TRAF7: variants seen among roughly 807,000 people sequenced by gnomAD.
TRAF7 encodes E3 ubiquitin-protein ligase TRAF7.
Under a neutral mutation model 89.3 loss-of-function variants are expected in TRAF7, and 45 were observed. The observed-to-expected ratio is 0.50, with a 90% CI of 0.40 to 0.65. TRAF7 has a LOEUF of 0.65. Ranked by LOEUF, TRAF7 falls within the 30% of genes least tolerant of loss-of-function variation. The pLI is 0.00. For missense variants in TRAF7, 677 were observed against 918.1 expected (o/e 0.74, Z 3.39); for synonymous variants, 406 against 369.2 (o/e 1.10, Z -1.14).
rs2093083601 is a variant in TRAF7, at chr16:2,165,757, T to C, written c.82-122T>C. ...TGCGTGGCGTGGCCTGGTCGCATGGTTAAGTGTGTGAGTGCTGCGTGGCCT... is the reference window on the plus strand; with the variant it reads ...TGCGTGGCGTGGCCTGGTCGCATGGCTAAGTGTGTGAGTGCTGCGTGGCCT... On this transcript the variant is annotated intron_variant, in intron 2 of 20. Transcript: ENST00000326181. 1.9e-5 allele frequency: 21 copies of C among 1,128,436 alleles called. No homozygotes were observed. In the South Asian group the frequency reaches 2.7e-4, roughly 14 times the overall value. 69.9% of individuals were successfully genotyped at this position (1,128,436 alleles called of 1,614,324 possible). A position where few individuals can be genotyped will look rare whatever the true frequency, so the allele number is the denominator to read the frequency against.
Position 2,168,093 on chromosome 16 carries a change from C to T in TRAF7, c.156C>T (p.Thr52=). 1 of 1,612,010 alleles carries T rather than the reference C, an allele frequency of 6.2e-7. No homozygotes were observed. Among genetic ancestry groups the T allele is most frequent in the Non-Finnish European group, 8.5e-7 (1 of 1,179,886 alleles). ...TTITKADGTS[T]YKQHCRTPSS... ...GCCTTGCAGCTGACGGGACCAGCACCTACAAGCAGCACTGCAGGACACCCT... is the reference window on the plus strand; with the variant it reads ...GCCTTGCAGCTGACGGGACCAGCACTTACAAGCAGCACTGCAGGACACCCT... The change falls in exon 4 of 21, where the codon ACC becomes ACT. Residue 52 remains threonine, a synonymous_variant. Transcript: ENST00000326181. The surrounding 1 kb of genome is among the most constrained non-coding windows in gnomAD (Gnocchi z 4.1).
Position 2,161,267 on chromosome 16 carries a change from C to T in TRAF7, c.-38-2616C>T, listed in dbSNP as rs2093057473. On this transcript the variant is annotated intron_variant, in intron 1 of 20. Coordinates refer to ENST00000326181, the MANE Select transcript of TRAF7 (RefSeq NM_032271.3). This position sits in a 1 kb window ranked among gnomAD's most constrained non-coding sequence, Gnocchi z 5.2. ...CCGTCCCCTCCCTCCTTCCGTCCCC[C>T]TCAGCTGGCGCTCGATGGGGTCTTG... Among the ~76,000 whole-genome samples, 2 of 151,096 alleles carry T rather than the reference C, an allele frequency of 1.3e-5. No homozygotes were observed. Among genetic ancestry groups the T allele is most frequent in the Non-Finnish European group, 3.0e-5 (2 of 67,758 alleles).
intron 15 of TRAF7, 63 bp downstream of exon 15, chr16:2,175,213 C>T: frequency 6.2e-7 from 1 of 1,612,344 alleles, no homozygotes; most frequent in Non-Finnish European, 8.5e-7. Flanking sequence ...TCTGTAGGTG[C>T]CCCAGGGACG....
chr16:2,164,031 A>T (rs761384581), intron 2 of TRAF7, 30 bp downstream of exon 2: 21 of 1,578,652 alleles, frequency 1.3e-5, no homozygotes, highest in Non-Finnish European at 1.8e-5. Context: ...CAAGCCCAAC[A>T]TCCCCAGGAC....
intron 4 of TRAF7, among the ~76,000 whole-genome samples, chr16:2,170,195 C>T (rs953396425): frequency 6.6e-6 from 1 of 152,246 alleles, no homozygotes; most frequent in African/African-American, 2.4e-5. Flanking sequence ...GGAGCCCAGC[C>T]GTCGCTCCCT....
chr16:2,178,063 C>T lies in TRAF7; in HGVS notation c.*1489C>T, dbSNP rs1353788744. ...TAAATATATATTTGTTAAAGTTATA[C>T]CTTTTTGTTTCTCTGGGGAAATCCG... is the stretch of plus-strand genomic sequence containing the variant. On this transcript the variant is annotated 3_prime_UTR_variant, in exon 21 of 21. Coordinates refer to ENST00000326181, the MANE Select transcript of TRAF7 (RefSeq NM_032271.3). 3.3e-5 allele frequency: 16 copies of T among 482,756 alleles called. No homozygotes were observed. The Admixed American group carries it at 3.8e-4, about 11-fold the overall frequency. 29.9% of individuals were successfully genotyped at this position (482,756 alleles called of 1,614,324 possible). A position where few individuals can be genotyped will look rare whatever the true frequency, so the allele number is the denominator to read the frequency against.
In TRAF7 at chr16:2,170,641, G is replaced by A. The variant is rs780287797; in HGVS notation, c.259G>A (p.Asp87Asn). Residue 87 changes from aspartate (D) to asparagine (N), a missense_variant, in exon 5 of 21, where the codon GAC becomes AAC. This residue lies in a region of TRAF7 where 240 missense variants were observed against 191.9 expected (regional missense o/e 1.25). Coordinates refer to ENST00000326181, the MANE Select transcript of TRAF7 (RefSeq NM_032271.3). Reference sequence around the variant, plus strand: ...CCCCATCAGCACTCCCCGCCGCTCCGACTCCGCCATCTCTGTCCGCTCCCT... The same window carrying A: ...CCCCATCAGCACTCCCCGCCGCTCCAACTCCGCCATCTCTGTCCGCTCCCT... ...MPPISTPRRS[D>N]SAISVRSLHS... is the part of the protein sequence containing the mutation. 1.8e-5 allele frequency: 29 copies of A among 1,610,090 alleles called. No homozygotes were observed. The highest frequency in any genetic ancestry group is 2.1e-5 in the Non-Finnish European group (25 of 1,178,692).
At position 2,158,109 on chromosome 16, in the gene TRAF7, TCTC is replaced by T. The variant is rs1351310057; in HGVS notation, c.-39+2254_-39+2256del. Reference sequence around the variant, plus strand: ...TGGCCTTGACCACGGTGTCACAGCATCTCCTGGATGGACACCCTGCGGGGTCAG... The same window carrying T: ...TGGCCTTGACCACGGTGTCACAGCATCTGGATGGACACCCTGCGGGGTCAG... On this transcript the variant is annotated intron_variant, in intron 1 of 20. Transcript: ENST00000326181. This position sits in a 1 kb window ranked among gnomAD's most constrained non-coding sequence, Gnocchi z 4.7. Among the ~76,000 whole-genome samples the T allele has an allele frequency of 6.6e-6, 1 of 152,092 alleles. No homozygotes were observed. Among genetic ancestry groups the T allele is most frequent in the Non-Finnish European group, 1.5e-5 (1 of 68,002 alleles).
At position 2,163,247 on chromosome 16, in the gene TRAF7, G is replaced by C. The variant is rs1406248620; in HGVS notation, c.-38-636G>C. Among the ~76,000 whole-genome samples, 1 of 152,206 alleles carries C rather than the reference G, an allele frequency of 6.6e-6. No homozygotes were observed. Among genetic ancestry groups the C allele is most frequent in the Non-Finnish European group, 1.5e-5 (1 of 68,030 alleles). On this transcript the variant is annotated intron_variant, in intron 1 of 20. Transcript: ENST00000326181. The surrounding 1 kb of genome is among the most constrained non-coding windows in gnomAD (Gnocchi z 4.3). ...CTGTGGCGTGGCTGGGAGTGTGGGTGACCTGCACGGGTTCCAGGGGCGGGC... is the reference window on the plus strand; with the variant it reads ...CTGTGGCGTGGCTGGGAGTGTGGGTCACCTGCACGGGTTCCAGGGGCGGGC...
intron 1 of TRAF7, among the ~76,000 whole-genome samples, chr16:2,156,980 A>AG (rs750607924): frequency 6.6e-6 from 1 of 151,952 alleles, no homozygotes; most frequent in Non-Finnish European, 1.5e-5. Flanking sequence ...TCTGGAGTCC[A>AG]GGGGCAGGGG....
rs761025844 is a variant in TRAF7, at chr16:2,174,245, C to T, written c.1264-6C>T. 2.9e-5 allele frequency: 47 copies of T among 1,612,394 alleles called. No individual in the cohort carries two copies. The highest frequency in any genetic ancestry group is 3.8e-5 in the Non-Finnish European group (45 of 1,179,614). On this transcript the variant is annotated splice_polypyrimidine_tract_variant and splice_region_variant and intron_variant, in intron 13 of 20. Transcript: ENST00000326181. ...CTGGGACCCACTGTGGCCCTGGTCT[C>T]TGCAGGTGTGGGACACATGTACCAC...
chr16:2,175,307 G>A lies in TRAF7; in HGVS notation c.1393G>A (p.Asp465Asn). The part of the protein sequence containing the change: ...GSADCTIIVW[D>N]IQNLQKVNTI... Reference sequence around the variant, plus strand: ...CCGGTCCTTCCCCAATCAGGTGTGGGACATCCAGAACCTGCAGAAGGTGAA... The same window carrying A: ...CCGGTCCTTCCCCAATCAGGTGTGGAACATCCAGAACCTGCAGAAGGTGAA... Residue 465 changes from aspartate to asparagine, a missense_variant, in exon 16 of 21, where the codon GAC (aspartate) becomes AAC (asparagine). Asp to Asn is a conservative substitution (Grantham distance 23). This residue lies in a region of TRAF7 where 160 missense variants were observed against 263.7 expected (regional missense o/e 0.61). Transcript: ENST00000326181. The A allele has an allele frequency of 6.2e-7, 1 of 1,613,446 alleles. No individual in the cohort carries two copies. The highest frequency in any genetic ancestry group is 2.2e-5 in the East Asian group (1 of 44,876).
intron 1 of TRAF7, among the ~76,000 whole-genome samples, chr16:2,156,990 G>T (rs898535065): frequency 6.6e-6 from 1 of 152,120 alleles, no homozygotes; most frequent in Non-Finnish European, 1.5e-5. Context: ...AGGGGCAGGG[G>T]CCTGCTGGAG....
In TRAF7 at chr16:2,178,107, AAATT is replaced by A. The variant is rs1273361494; in HGVS notation, c.*1537_*1540del. ...AAATCCGCCTCAGCTCATTCCCAAT[AAATT>A]AATACTCTTGATAGCTTATATTCTG... is the stretch of plus-strand genomic sequence containing the variant. On this transcript the variant is annotated 3_prime_UTR_variant, in exon 21 of 21. Coordinates refer to ENST00000326181, the MANE Select transcript of TRAF7 (RefSeq NM_032271.3). 9.9e-6 allele frequency: 5 copies of A among 507,188 alleles called. No homozygotes were observed. Among genetic ancestry groups the A allele is most frequent in the East Asian group, 4.4e-5 (1 of 22,510 alleles). 31.4% of individuals were successfully genotyped at this position (507,188 alleles called of 1,614,324 possible).
chr16:2,164,161 C>CGCGCGT (rs2093069883), intron 2 of TRAF7, among the ~76,000 whole-genome samples, 160 bp downstream of exon 2: 1 of 67,578 alleles, frequency 1.5e-5, no homozygotes, highest in African/African-American at 4.8e-5. Flanking sequence ...TGTGTGTGTG[C>CGCGCGT]GCGCGCGCGC....
chr16:2,175,420 A>G lies in TRAF7; in HGVS notation c.1503+3A>G, dbSNP rs1191612025. ...GCGGCTCCCTGAAGGCCATCAAGGT[A>G]CGGGTGGAGGCTGTGCCTACGTGTG... On this transcript the variant is annotated splice_donor_region_variant and intron_variant, in intron 16 of 20. Coordinates refer to ENST00000326181, the MANE Select transcript of TRAF7 (RefSeq NM_032271.3). 2 of 1,613,394 alleles carry G rather than the reference A, an allele frequency of 1.2e-6. No homozygotes were observed. Among genetic ancestry groups the G allele is most frequent in the Non-Finnish European group, 1.7e-6 (2 of 1,179,876 alleles).
Position 2,163,800 on chromosome 16 carries a change from G to T in TRAF7, c.-38-83G>T, listed in dbSNP as rs1596669738. 2.2e-6 allele frequency: 2 copies of T among 923,456 alleles called. No individual in the cohort carries two copies. The highest frequency in any genetic ancestry group is 2.6e-5 in the East Asian group (1 of 38,108). The allele number at this position is 923,456 out of a possible 1,614,324, so 57.2% of individuals were successfully genotyped here. On this transcript the variant is annotated intron_variant, in intron 1 of 20. Transcript: ENST00000326181. The surrounding 1 kb of genome is among the most constrained non-coding windows in gnomAD (Gnocchi z 4.3). ...GCGGCCCCACGGTGCCCCACAGCAG[G>T]TCTGCACACTTGCAGCAGCCCGTCT...
At chr16:2,172,091 C>CAG in intron 7 of TRAF7, 100 bp from the exon 8 acceptor site, 1 of 1,452,944 alleles carries the variant, frequency 6.9e-7, no homozygotes, top group Admixed American at 1.9e-5. Context: ...CTCAGAGGCG[C>CAG]AGATGGACAG....
rs1312242947 is a variant in TRAF7 at position 2,171,544 on chromosome 16, C to A, written c.442-28C>A. 3.7e-6 allele frequency: 6 copies of A among 1,613,060 alleles called. No individual in the cohort carries two copies. In the African/African-American group the frequency reaches 8.0e-5, roughly 22 times the overall value. On this transcript the variant is annotated intron_variant, in intron 6 of 20. Transcript: ENST00000326181. ...TAGGGAAAAAGAGGACCCTGCGCCACCCTCAAGCCCGCCCTTTGCCTCCAC... is the reference window on the plus strand; with the variant it reads ...TAGGGAAAAAGAGGACCCTGCGCCAACCTCAAGCCCGCCCTTTGCCTCCAC...
Sources: allele counts gnomAD v4.1 joint callset (sites outside exome capture counted in the v4.1 genomes callset), GRCh38; gene constraint gnomAD v4.1.1; regional missense constraint gnomAD v4.1.1; non-coding constraint Gnocchi (gnomAD v3.1); transcripts MANE v1.5; gene names NCBI Gene and HGNC (gene_info 2026-07-23, HGNC 2026-07-21).